The following FAAH2 variants were observed in gnomAD, a reference collection of about 807,000 sequenced individuals.
FAAH2 encodes the protein fatty-acid amide hydrolase 2.
FAAH2 carries 60 observed loss-of-function variants against 36.9 expected under a neutral mutation model. The ratio of observed to expected loss-of-function variants is 1.63; its 90% CI spans 1.32 to 2.02. The LOEUF (loss-of-function observed/expected upper bound fraction) is 2.02, where lower values mean the gene tolerates loss of function less well. Ranked by LOEUF, FAAH2 falls within the 30% of genes most tolerant of loss-of-function variation. The probability of loss-of-function intolerance (pLI) is 0.00; values close to 1 mark genes in which losing one functional copy is unlikely to be tolerated. For synonymous variants in FAAH2, 214 were observed against 143.8 expected (o/e 1.49, Z -3.49); for missense variants, 689 against 397.5 (o/e 1.73, Z -6.23).
At chrX:57,196,275 A>T in the FAAH2 span, among the ~76,000 whole-genome samples, 2 of 110,972 alleles carry the variant, frequency 1.8e-5, no homozygotes, top group African/African-American at 6.5e-5. Flanking sequence ...GAGGTCTTTT[A>T]CCTCCTTGGT....
chrX:57,349,175 ATG>A (rs35500497), intron 5 of FAAH2, among the ~76,000 whole-genome samples: 47,702 of 90,403 alleles, frequency 0.53, 12,988 homozygotes, highest in Non-Finnish European at 0.74. Flanking sequence ...ACACATATAT[ATG>A]TATACATATA....
the FAAH2 span, among the ~76,000 whole-genome samples, chrX:57,210,528 C>G: frequency 3.6e-5 from 4 of 112,042 alleles, no homozygotes; most frequent in Non-Finnish European, 5.6e-5. Flanking sequence ...AAAATTTCAA[C>G]AATGAAGTAA....
chrX:57,128,623 AAAAC>A, the FAAH2 span, among the ~76,000 whole-genome samples: 1 of 111,956 alleles, frequency 8.9e-6, no homozygotes, highest in Non-Finnish European at 1.9e-5. Context: ...GTGAAAAAAT[AAAAC>A]AATAGGAAAG....
intron 10 of FAAH2, among the ~76,000 whole-genome samples, chrX:57,454,241 GA>G (rs1169231381): frequency 8.9e-6 from 1 of 112,228 alleles, no homozygotes; most frequent in Non-Finnish European, 1.9e-5. Context: ...GAAAACTAAG[GA>G]AAAGATCCAG....
At chrX:57,371,237 TG>T (rs1024080457) in intron 5 of FAAH2, among the ~76,000 whole-genome samples, 3 of 111,452 alleles carry the variant, frequency 2.7e-5, no homozygotes, top group African/African-American at 9.8e-5. Flanking sequence ...TTTTGACCCT[TG>T]CCCCCTTCAA....
chrX:57,154,983 G>A, the FAAH2 span, among the ~76,000 whole-genome samples: 1 of 111,243 alleles, frequency 9.0e-6, no homozygotes, highest in African/African-American at 3.3e-5. Flanking sequence ...CAGGCTCCAG[G>A]TTGGTACTGG....
At chrX:57,219,320 C>A in the FAAH2 span, among the ~76,000 whole-genome samples, 2 of 111,424 alleles carry the variant, frequency 1.8e-5, no homozygotes, top group African/African-American at 3.3e-5. Context: ...GTTACAAGAA[C>A]CTTATATTTT....
the FAAH2 span, among the ~76,000 whole-genome samples, chrX:57,220,972 C>A: frequency 7.9e-4 from 89 of 112,091 alleles, no homozygotes; most frequent in Middle Eastern, 9.2e-3. Context: ...CAAGGGTAAC[C>A]CTGATGGTGG....
intron 7 of FAAH2, among the ~76,000 whole-genome samples, chrX:57,399,256 A>C (rs2055376078): frequency 8.9e-6 from 1 of 111,840 alleles, no homozygotes; most frequent in Non-Finnish European, 1.9e-5. Context: ...CACACTTCAC[A>C]GGCCCTGACT....
chrX:57,135,608 A>G, the FAAH2 span: 1 of 814,930 alleles, frequency 1.2e-6, no homozygotes, highest in Non-Finnish European at 1.7e-6. Context: ...TACCAAACAC[A>G]CCCGAACTTT....
intron 10 of FAAH2, among the ~76,000 whole-genome samples, chrX:57,461,773 C>T (rs922624165): frequency 1.8e-5 from 2 of 109,011 alleles, no homozygotes; most frequent in Non-Finnish European, 3.8e-5. Context: ...AATTCAAAGG[C>T]AATCAGAAGA....
chrX:57,451,135 C>T (rs147654078), intron 10 of FAAH2, among the ~76,000 whole-genome samples: 1 of 111,436 alleles, frequency 9.0e-6, no homozygotes, highest in African/African-American at 3.3e-5. Flanking sequence ...GACTTTAACC[C>T]AGGCCCTATG....
At chrX:57,397,077 T>A (rs1455732203) in intron 7 of FAAH2, among the ~76,000 whole-genome samples, 2 of 112,128 alleles carry the variant, frequency 1.8e-5, no homozygotes, top group Non-Finnish European at 3.8e-5. Context: ...CTTTGTTTTT[T>A]GTTTACTTTT....
chrX:57,424,849 C>G (rs761602562), intron 7 of FAAH2, among the ~76,000 whole-genome samples: 1 of 111,811 alleles, frequency 8.9e-6, no homozygotes, highest in Non-Finnish European at 1.9e-5. Flanking sequence ...CATTCCCAAA[C>G]AAGCACACCA....
chrX:57,376,351 C>A (rs758634766), intron 5 of FAAH2, among the ~76,000 whole-genome samples: 2 of 111,171 alleles, frequency 1.8e-5, no homozygotes, highest in South Asian at 7.6e-4. Context: ...CAGTCACCTA[C>A]CTTAGGTATT....
the FAAH2 span, among the ~76,000 whole-genome samples, chrX:57,259,119 T>A: frequency 9.0e-6 from 1 of 111,437 alleles, no homozygotes; most frequent in Admixed American, 9.5e-5. Context: ...GAAAATGTAG[T>A]GAAAACAGAT....
At chrX:57,231,472 T>A in the FAAH2 span, among the ~76,000 whole-genome samples, 1 of 111,971 alleles carries the variant, frequency 8.9e-6, no homozygotes, top group Non-Finnish European at 1.9e-5. Flanking sequence ...GCCTATTTTT[T>A]AGCTTTTTTT....
chrX:57,444,309 C>T (rs1053241445), intron 8 of FAAH2, among the ~76,000 whole-genome samples: 9 of 112,038 alleles, frequency 8.0e-5, no homozygotes, highest in Admixed American at 3.8e-4. Flanking sequence ...TCAGCAATGG[C>T]GGATGCCCCT....
chrX:57,406,631 G>A (rs1321386360), intron 7 of FAAH2, among the ~76,000 whole-genome samples: 1 of 112,438 alleles, frequency 8.9e-6, no homozygotes, highest in South Asian at 3.6e-4. Context: ...TTTATCTCTA[G>A]TCCACAATGT....
Sources: allele counts gnomAD v4.1 joint callset (sites outside exome capture counted in the v4.1 genomes callset), GRCh38; gene constraint gnomAD v4.1.1; transcripts MANE v1.5; gene names NCBI Gene and HGNC (gene_info 2026-07-23, HGNC 2026-07-21).